FRMD3: variants seen among roughly 807,000 people sequenced by gnomAD.
FRMD3 encodes FERM domain containing 3.
FRMD3 carries 33 observed loss-of-function variants against 70.2 expected under a neutral mutation model. That is an observed-to-expected ratio of 0.47 (90% CI 0.36 to 0.63). FRMD3 has a LOEUF of 0.63. FRMD3 is among the 20% of genes least tolerant of loss of function. FRMD3 has a pLI of 0.00. For missense variants in FRMD3, 632 were observed against 711.4 expected (o/e 0.89, Z 1.27); for synonymous variants, 279 against 255.9 (o/e 1.09, Z -0.86).
At position 83,246,101 on chromosome 9, in the gene FRMD3, A is replaced by T. The variant is rs575575634; in HGVS notation, c.*1817T>A. The T allele has an allele frequency of 1.0e-6, 1 of 985,050 alleles. No homozygotes were observed. Among genetic ancestry groups the T allele is most frequent in the Non-Finnish European group, 1.2e-6 (1 of 829,746 alleles). The allele number at this position is 985,050 out of a possible 1,614,324, so 61.0% of individuals were successfully genotyped here. Reference sequence around the variant, plus strand: ...CATTTCCAAAATTAAATGTCCAGTGAAGTACTCAGAGCTCCACTGAGTGAG... The same window carrying T: ...CATTTCCAAAATTAAATGTCCAGTGTAGTACTCAGAGCTCCACTGAGTGAG... On this transcript the variant is annotated 3_prime_UTR_variant, in exon 14 of 14. Transcript: ENST00000304195.
intron 2 of FRMD3, among the ~76,000 whole-genome samples, chr9:83,378,444 A>AT (rs1460561597): frequency 7.0e-6 from 1 of 141,850 alleles, no homozygotes; most frequent in African/African-American, 2.6e-5. Flanking sequence ...TGCCCGGCTA[A>AT]TTTATATATA....
intron 1 of FRMD3, among the ~76,000 whole-genome samples, chr9:83,498,125 G>A (rs1337891316): frequency 1.3e-5 from 2 of 151,910 alleles, no homozygotes; most frequent in Non-Finnish European, 2.9e-5. Flanking sequence ...AGCTGAGAGT[G>A]TGCCACTGCA....
intron 1 of FRMD3, among the ~76,000 whole-genome samples, chr9:83,494,862 C>CGT (rs758586178): frequency 0.02 from 2,706 of 133,982 alleles, 29 homozygotes; most frequent in Non-Finnish European, 0.029. Flanking sequence ...TGTGTGTGCG[C>CGT]GCGCGCATGT....
chr9:83,277,531 T>C (rs1833832819), intron 13 of FRMD3, among the ~76,000 whole-genome samples: 1 of 152,146 alleles, frequency 6.6e-6, no homozygotes, highest in Non-Finnish European at 1.5e-5. Flanking sequence ...CCCTTGGCAA[T>C]TTTATTTTTG....
chr9:83,349,831 G>T, intron 3 of FRMD3, 74 bp from the exon 4 acceptor site: 2 of 1,130,100 alleles, frequency 1.8e-6, no homozygotes, highest in Non-Finnish European at 1.3e-6. Context: ...GGGAAAGGCA[G>T]CCGTGCAGCC....
chr9:83,429,329 T>C (rs976576111), intron 1 of FRMD3, among the ~76,000 whole-genome samples: 1 of 152,180 alleles, frequency 6.6e-6, no homozygotes, highest in Admixed American at 6.5e-5. Context: ...AGATCCATCT[T>C]GATCCTGGCT....
intron 1 of FRMD3, among the ~76,000 whole-genome samples, chr9:83,414,696 C>T (rs945068641): frequency 6.6e-6 from 1 of 152,198 alleles, no homozygotes; most frequent in Middle Eastern, 3.2e-3. Flanking sequence ...AGGTAGTTCA[C>T]AAAAGATAGC....
chr9:83,285,559 C>CA (rs1159727628), intron 13 of FRMD3, among the ~76,000 whole-genome samples: 4 of 152,048 alleles, frequency 2.6e-5, no homozygotes, highest in Non-Finnish European at 4.4e-5. Context: ...TGCCAGCCTG[C>CA]ACCACTGCTA....
At chr9:83,407,317 T>C (rs1258169078) in intron 1 of FRMD3, among the ~76,000 whole-genome samples, 1 of 152,230 alleles carries the variant, frequency 6.6e-6, no homozygotes, top group African/African-American at 2.4e-5. Flanking sequence ...CATTTTTACC[T>C]ATCCACTTCC....
Position 83,357,262 on chromosome 9 carries a change from T to C in FRMD3, c.296-7505A>G, listed in dbSNP as rs1240660782. Reference sequence around the variant, plus strand: ...TAATACATACATATATATATATATATATATATATATATATATATATATATA... The same window carrying C: ...TAATACATACATATATATATATATACATATATATATATATATATATATATA... On this transcript the variant is annotated intron_variant, in intron 3 of 13. Transcript: ENST00000304195. 1.5e-3 allele frequency among the ~76,000 whole-genome samples: 93 copies of C among 60,428 alleles called. 15 individuals are homozygous for C. The highest frequency in any genetic ancestry group is 8.9e-3 in the African/African-American group (90 of 10,164). 39.6% of individuals were successfully genotyped at this position (60,428 alleles called of 152,430 possible).
At chr9:83,575,140 C>G in the FRMD3 span, among the ~76,000 whole-genome samples, 1 of 152,110 alleles carries the variant, frequency 6.6e-6, no homozygotes, top group South Asian at 2.1e-4. Context: ...TCCCTAGGAC[C>G]AAGCTCTCTA....
At chr9:83,362,812 TTCCCTCCC>T (rs1335861799) in intron 3 of FRMD3, among the ~76,000 whole-genome samples, 1,341 of 119,154 alleles carry the variant, frequency 0.011, 189 homozygotes, top group African/African-American at 0.036. Flanking sequence ...TTTTCCTTCC[TTCCCTCCC>T]TCCTTCCTTC....
chr9:83,501,057 C>G (rs1829057184), intron 1 of FRMD3, among the ~76,000 whole-genome samples: 1 of 152,142 alleles, frequency 6.6e-6, no homozygotes, highest in African/African-American at 2.4e-5. Context: ...TGATGTTTAT[C>G]AATGTTAAAA....
chr9:83,285,798 C>G (rs1278701739), intron 13 of FRMD3, among the ~76,000 whole-genome samples: 1 of 152,204 alleles, frequency 6.6e-6, no homozygotes, highest in Non-Finnish European at 1.5e-5. Context: ...TCATTTTCAC[C>G]TAGAACAATT....
intron 13 of FRMD3, among the ~76,000 whole-genome samples, chr9:83,273,245 G>C (rs1833672877): frequency 6.6e-6 from 1 of 152,162 alleles, no homozygotes; most frequent in Non-Finnish European, 1.5e-5. Flanking sequence ...TGTCTGTGTA[G>C]AAAGAAGTAG....
chr9:83,375,272 G>A (rs922132995), intron 2 of FRMD3, among the ~76,000 whole-genome samples: 3 of 152,252 alleles, frequency 2.0e-5, no homozygotes, highest in Non-Finnish European at 4.4e-5. Flanking sequence ...TTTGCCATCT[G>A]TGTCCTAAAT....
chr9:83,364,918 C>T (rs758250828), intron 3 of FRMD3, among the ~76,000 whole-genome samples: 6 of 152,164 alleles, frequency 3.9e-5, no homozygotes, highest in Non-Finnish European at 7.4e-5. Context: ...ACAATCTTTA[C>T]CATAGCCCAT....
intron 10 of FRMD3, among the ~76,000 whole-genome samples, chr9:83,307,294 C>T (rs1337954969): frequency 6.6e-6 from 1 of 152,132 alleles, no homozygotes; most frequent in Non-Finnish European, 1.5e-5. Flanking sequence ...ATAGAGTTAC[C>T]CTATGACCCA....
intron 6 of FRMD3, among the ~76,000 whole-genome samples, chr9:83,317,118 A>C (rs1835612086): frequency 6.6e-6 from 1 of 151,874 alleles, no homozygotes; most frequent in Non-Finnish European, 1.5e-5. Context: ...CAGAGCAAGA[A>C]AGATCCTGTC....
Sources: gnomAD v4.1 joint callset for allele counts (sites outside exome capture counted in the v4.1 genomes callset) on GRCh38, gnomAD v4.1.1 for gene constraint, MANE v1.5 for transcripts, NCBI Gene and HGNC (gene_info 2026-07-23, HGNC 2026-07-21) for gene names.